Variants in MRE11 observed in about 807,000 individuals in gnomAD.
The protein encoded by MRE11 is double-strand break repair protein MRE11.
In MRE11, 62 loss-of-function variants were observed where a neutral mutation model predicts 91.7. The ratio of observed to expected loss-of-function variants is 0.68; its 90% CI spans 0.55 to 0.84. The LOEUF (loss-of-function observed/expected upper bound fraction) is 0.84, where lower values mean the gene tolerates loss of function less well. Ranked by LOEUF, MRE11 falls within the 40% of genes least tolerant of loss-of-function variation. The pLI, the probability that MRE11 is intolerant of heterozygous loss-of-function variation, is 0.00. For missense variants in MRE11, 796 were observed against 852.9 expected, an observed-to-expected ratio of 0.93 and a Z score of 0.83; for synonymous variants, 273 against 271.4, an observed-to-expected ratio of 1.01 and a Z score of -0.06.
chr11:94,464,454 G>A (rs538851626), intron 10 of MRE11, among the ~76,000 whole-genome samples: 3 of 152,216 alleles, frequency 2.0e-5, no homozygotes, highest in East Asian at 1.9e-4. Flanking sequence ...TACTTTGTTC[G>A]ATGGAATCAA....
chr11:94,472,497 T>C (rs879443941), intron 7 of MRE11, among the ~76,000 whole-genome samples: 9 of 152,218 alleles, frequency 5.9e-5, no homozygotes, highest in Non-Finnish European at 1.3e-4. Context: ...ATGTCAGATG[T>C]CCCAGGCTTC....
intron 9 of MRE11, among the ~76,000 whole-genome samples, 171 bp from the exon 10 acceptor site, chr11:94,468,064 T>C (rs552994337): frequency 7.9e-5 from 12 of 152,308 alleles, no homozygotes; most frequent in African/African-American, 2.9e-4. Context: ...TTTAATACTA[T>C]TCCTTAATGT....
At position 94,418,278 on chromosome 11, in the gene MRE11, G is replaced by C. The variant is rs1012710081; in HGVS notation, c.*1847C>G. The C allele has an allele frequency of 4.3e-6, 1 of 232,986 alleles. No homozygotes were observed. Among genetic ancestry groups the C allele is most frequent in the Admixed American group, 5.6e-5 (1 of 17,776 alleles). 14.4% of individuals were successfully genotyped at this position (232,986 alleles called of 1,614,324 possible). ...ATACATAGTATTCACAAAATGACCT[G>C]AATTAGCTGGAGAGATTTATCACCC... On this transcript the variant is annotated 3_prime_UTR_variant, in exon 20 of 20. Transcript: ENST00000323929.
intron 16 of MRE11, among the ~76,000 whole-genome samples, chr11:94,439,850 A>C (rs1037873812): frequency 3.3e-4 from 50 of 152,372 alleles, no homozygotes; most frequent in African/African-American, 1.2e-3. Flanking sequence ...CAGGATCCAA[A>C]CCAAGATCTT....
At chr11:94,512,163 G>C in the MRE11 span, among the ~76,000 whole-genome samples, 1 of 152,160 alleles carries the variant, frequency 6.6e-6, no homozygotes, top group Non-Finnish European at 1.5e-5. Context: ...CCAGACTTCT[G>C]AGTCCACATT....
At chr11:94,450,078 G>A (rs1012381262) in intron 14 of MRE11, among the ~76,000 whole-genome samples, 1 of 152,158 alleles carries the variant, frequency 6.6e-6, no homozygotes, top group African/African-American at 2.4e-5. Flanking sequence ...GAGAAAAAAT[G>A]TATATTAGAT....
intron 14 of MRE11, among the ~76,000 whole-genome samples, chr11:94,450,211 C>T (rs1268494210): frequency 6.6e-6 from 1 of 152,102 alleles, no homozygotes; most frequent in Non-Finnish European, 1.5e-5. Flanking sequence ...GATCAGCTGA[C>T]AAAAACGTTA....
At position 94,462,929 on chromosome 11, in the gene MRE11, T is replaced by C. The variant is rs555318975; in HGVS notation, c.1225+1184A>G. Among the ~76,000 whole-genome samples the C allele has an allele frequency of 5.9e-5, 9 of 152,130 alleles. No individual in the cohort carries two copies. In the South Asian group the frequency reaches 1.9e-3, roughly 32 times the overall value. The stretch of plus-strand genomic sequence containing the variant: ...GACAACAAAAGCCAAAATTGACAAA[T>C]GGGATCTAAGTAAACTAAAGAGCTT... On this transcript the variant is annotated intron_variant, in intron 11 of 19. Coordinates refer to ENST00000323929, the MANE Select transcript of MRE11 (RefSeq NM_005591.4).
chr11:94,496,634 C>G, upstream of MRE11: 2 of 1,416,482 alleles, frequency 1.4e-6, no homozygotes, highest in Non-Finnish European at 9.5e-7. Context: ...CATAATTCAT[C>G]TCTAGAAAGA....
chr11:94,489,523 G>A (rs1464783311), intron 3 of MRE11, among the ~76,000 whole-genome samples: 1 of 152,146 alleles, frequency 6.6e-6, no homozygotes, highest in Admixed American at 6.5e-5. Context: ...AGATGTAGCA[G>A]AAAAGAATAG....
At chr11:94,462,863 G>A (rs1946457560) in intron 11 of MRE11, among the ~76,000 whole-genome samples, 1 of 152,110 alleles carries the variant, frequency 6.6e-6, no homozygotes, top group Non-Finnish European at 1.5e-5. Context: ...TCAGGACAGA[G>A]GCATGAGCAA....
the MRE11 span, chr11:94,499,291 T>C: frequency 6.6e-6 from 1 of 152,654 alleles, no homozygotes; most frequent in African/African-American, 2.4e-5. Context: ...GATCATAATA[T>C]ATCTGCTATC....
Position 94,485,423 on chromosome 11 carries a change from C to T in MRE11, c.314+501G>A, listed in dbSNP as rs1947115042. Among the ~76,000 whole-genome samples the T allele has an allele frequency of 5.3e-5, 8 of 151,840 alleles. No individual in the cohort carries two copies. The South Asian group carries it at 1.7e-3, about 32-fold the overall frequency. ...CCATAAACAAAGTCAAAAGACAAGC[C>T]ATTGATTGGGAAAAAATATATGTAT... On this transcript the variant is annotated intron_variant, in intron 4 of 19. Transcript: ENST00000323929.
chr11:94,457,450 T>C (rs1366142328), intron 13 of MRE11, among the ~76,000 whole-genome samples: 5 of 152,226 alleles, frequency 3.3e-5, no homozygotes, highest in Admixed American at 3.3e-4. Context: ...GTTTTGTTTG[T>C]TTCTTAAGCT....
chr11:94,503,324 A>C, the MRE11 span, among the ~76,000 whole-genome samples: 1 of 152,320 alleles, frequency 6.6e-6, no homozygotes, highest in African/African-American at 2.4e-5. Flanking sequence ...CTCATGCAAT[A>C]AGGAGAGAAT....
At chr11:94,470,253 T>A (rs1323814392) in intron 9 of MRE11, among the ~76,000 whole-genome samples, 2 of 152,042 alleles carry the variant, frequency 1.3e-5, no homozygotes, top group African/African-American at 4.8e-5. Context: ...GGAGAGAGAT[T>A]TAATTTTTTT....
rs573668130 is a variant in MRE11, at chr11:94,434,206, G to A, written c.1994+1626C>T. Reference sequence around the variant, plus strand: ...AGAAACATTTATCTTTCTATCCCCAGAACCTAGCATGATGTTTGAAGGATC... The same window carrying A: ...AGAAACATTTATCTTTCTATCCCCAAAACCTAGCATGATGTTTGAAGGATC... On this transcript the variant is annotated intron_variant, in intron 18 of 19. Transcript: ENST00000323929. Among the ~76,000 whole-genome samples, 8 of 152,230 alleles carry A rather than the reference G, an allele frequency of 5.3e-5. No homozygotes were observed. The East Asian group carries it at 1.5e-3, about 29-fold the overall frequency.
intron 14 of MRE11, among the ~76,000 whole-genome samples, chr11:94,448,304 C>T (rs1029285659): frequency 3.3e-5 from 5 of 151,924 alleles, no homozygotes; most frequent in South Asian, 2.1e-4. Flanking sequence ...GGGCTGGGCG[C>T]AGTGGCTCAC....
In MRE11 at chr11:94,471,636, A is replaced by T; in HGVS notation, c.783T>A (p.Phe261Leu). ...IAPTKNEQQL[F>L]YISQPGSSVV... Reference sequence around the variant, plus strand: ...CTGAGCTTCCAGGTTGTGAGATATAAAACAGCTGTTGTTCATTTTTGGTTG... The same window carrying T: ...CTGAGCTTCCAGGTTGTGAGATATATAACAGCTGTTGTTCATTTTTGGTTG... Residue 261 changes from phenylalanine to leucine, a missense_variant, in exon 8 of 20, where the codon TTT (phenylalanine) becomes TTA (leucine). Coordinates refer to ENST00000323929, the MANE Select transcript of MRE11 (RefSeq NM_005591.4). The T allele has an allele frequency of 6.2e-7, 1 of 1,612,878 alleles. No homozygotes were observed.
Sources: gnomAD v4.1 joint callset for allele counts (sites outside exome capture counted in the v4.1 genomes callset) on GRCh38, gnomAD v4.1.1 for gene constraint, MANE v1.5 for transcripts, NCBI Gene and HGNC (gene_info 2026-07-23, HGNC 2026-07-21) for gene names.